Variants in ZNF208 observed in about 807,000 individuals in gnomAD.
ZNF208 encodes the protein zinc finger protein 208, also known as zinc finger protein 95.
A neutral mutation model predicts 12.1 loss-of-function variants in ZNF208; 10 were observed. The observed-to-expected ratio is 0.83, with a 90% CI of 0.51 to 1.40. The LOEUF is 1.40. Among genes scored for constraint, ZNF208 ranks in the 40% most tolerant of loss-of-function variants. The pLI is 0.00. For synonymous variants in ZNF208, 497 were observed against 488.4 expected (o/e 1.02, Z -0.23); for missense variants, 1,652 against 1,485.0 (o/e 1.11, Z -1.85).
rs779720962 is a variant in ZNF208 at position 21,971,885 on chromosome 19, G to C, written c.3149C>G (p.Thr1050Ser). The change falls in exon 4 of 4, where the codon ACT (threonine) becomes AGT (serine). Residue 1050 changes from threonine to serine, a missense_variant. Physicochemically the swap from Thr to Ser is moderately conservative, Grantham distance 58. Transcript: ENST00000397126. ...TTTGTAGGGTTTTTCTCCAGCATGA[G>C]TTGCCTTATGTTCAGTAAGGCTTGA... is the stretch of plus-strand genomic sequence containing the variant. ...WPSSLTEHKA[T>S]HAGEKPYKCE... is the part of the protein sequence containing the mutation. 4 of 1,604,934 alleles carry C rather than the reference G, an allele frequency of 2.5e-6. No homozygotes were observed. The South Asian group carries it at 4.4e-5, about 18-fold the overall frequency.
intron 1 of ZNF208, among the ~76,000 whole-genome samples, chr19:21,997,144 C>A (rs1466868051): frequency 6.6e-6 from 1 of 152,198 alleles, no homozygotes; most frequent in Non-Finnish European, 1.5e-5. Flanking sequence ...TTTTATTACA[C>A]AATTACATGT....
In ZNF208 at chr19:22,002,493, TAA is replaced by T. The variant is rs1015472965; in HGVS notation, c.3+8297_3+8298del. Among the ~76,000 whole-genome samples the T allele has an allele frequency of 3.3e-5, 5 of 151,968 alleles. No individual in the cohort carries two copies. In the East Asian group the frequency reaches 9.7e-4, roughly 29 times the overall value. On this transcript the variant is annotated intron_variant, in intron 1 of 3. Coordinates refer to ENST00000397126, the MANE Select transcript of ZNF208 (RefSeq NM_007153.3). ...TCTTTAAACTGACAAACAACTTCAGTAAAGTCTCAGGATACAAAAGAAATGTA... is the reference window on the plus strand; with the variant it reads ...TCTTTAAACTGACAAACAACTTCAGTAGTCTCAGGATACAAAAGAAATGTA...
Position 21,947,997 on chromosome 19 carries a change from G to A in ZNF208, c.306-14760C>T, listed in dbSNP as rs568961144. 2.5e-3 allele frequency among the ~76,000 whole-genome samples: 375 copies of A among 152,200 alleles called. 1 individual carries two copies. The highest frequency in any genetic ancestry group is 4.2e-3 in the Non-Finnish European group (284 of 68,010). On this transcript the variant is annotated intron_variant, in intron 4 of 4. Coordinates refer to the ZNF208 transcript ENST00000599916. ...GGACCCATGGGTGAAGGTCATGCTCGCATCCATGGGTAACATCTATGATGG... is the reference window on the plus strand; with the variant it reads ...GGACCCATGGGTGAAGGTCATGCTCACATCCATGGGTAACATCTATGATGG...
At chr19:21,986,542 C>CAAA (rs1370062190) in intron 3 of ZNF208, among the ~76,000 whole-genome samples, 4 of 151,840 alleles carry the variant, frequency 2.6e-5, no homozygotes, top group Admixed American at 6.6e-5. Flanking sequence ...CCTATCAATT[C>CAAA]AAAGAATAAA....
At chr19:21,954,283 TGTG>T (rs1969936724) in intron 4 of ZNF208, among the ~76,000 whole-genome samples, 1 of 152,226 alleles carries the variant, frequency 6.6e-6, no homozygotes, top group African/African-American at 2.4e-5. Flanking sequence ...AGAAGTGTGA[TGTG>T]GTGCTGAGAA....
At chr19:21,942,282 T>C (rs553967819) in intron 4 of ZNF208, among the ~76,000 whole-genome samples, 2 of 152,264 alleles carry the variant, frequency 1.3e-5, no homozygotes, top group South Asian at 2.1e-4. Context: ...TACTTAATAG[T>C]AGTATATATA....
At position 21,971,871 on chromosome 19, in the gene ZNF208, T is replaced by C. The variant is rs564851265; in HGVS notation, c.3163A>G (p.Lys1055Glu). 6.2e-7 allele frequency: 1 copy of C among 1,612,812 alleles called. No individual in the cohort carries two copies. The highest frequency in any genetic ancestry group is 1.7e-5 in the Admixed American group (1 of 59,846). The change falls in exon 4 of 4, where the codon AAA (lysine) becomes GAA (glutamate). Residue 1055 changes from lysine to glutamate, a missense_variant. Around this residue, in one of 3 missense-constraint regions of ZNF208, gnomAD observed 1,239 missense variants for 1,086.2 expected, o/e 1.14. Transcript: ENST00000397126. ...TEHKATHAGE[K>E]PYKCEECGKA... ...CCACATTCTTCACATTTGTAGGGTT[T>C]TTCTCCAGCATGAGTTGCCTTATGT...
chr19:22,000,178 C>T (rs1206132820), intron 1 of ZNF208, among the ~76,000 whole-genome samples: 1 of 152,132 alleles, frequency 6.6e-6, no homozygotes, highest in Non-Finnish European at 1.5e-5. Flanking sequence ...AACAATATTA[C>T]GACTTGAACT....
At position 21,966,790 on chromosome 19, in the gene ZNF208, A is replaced by G. The variant is rs1296298723; in HGVS notation, c.*4401T>C. 6.6e-6 allele frequency: 1 copy of G among 152,144 alleles called. No homozygotes were observed. Among genetic ancestry groups the G allele is most frequent in the Non-Finnish European group, 1.5e-5 (1 of 68,000 alleles). The allele number at this position is 152,144 out of a possible 1,614,324, so 9.4% of individuals were successfully genotyped here. ...TTATTTATCTTACTTTTAATAAGTCATTCTTACTGGTATGAAATAGTATCA... is the reference window on the plus strand; with the variant it reads ...TTATTTATCTTACTTTTAATAAGTCGTTCTTACTGGTATGAAATAGTATCA... On this transcript the variant is annotated 3_prime_UTR_variant, in exon 4 of 4. Transcript: ENST00000397126.
At chr19:21,941,300 A>G (rs1969736496) in intron 4 of ZNF208, 2 of 398,908 alleles carry the variant, frequency 5.0e-6, no homozygotes, top group African/African-American at 4.1e-5. Context: ...ACGCAGTGCA[A>G]AACAGTTCAC....
In ZNF208 at chr19:21,972,359, T is replaced by A. The variant is rs750637325; in HGVS notation, c.2675A>T (p.Glu892Val). 6.2e-7 allele frequency: 1 copy of A among 1,612,802 alleles called. No homozygotes were observed. The highest frequency in any genetic ancestry group is 1.1e-5 in the South Asian group (1 of 90,996). The change falls in exon 4 of 4, where the codon GAA becomes GTA. Residue 892 changes from glutamate (E) to valine (V), a missense_variant. Physicochemically the swap from Glu to Val is moderately radical, Grantham distance 121 (BLOSUM62 -2). This residue lies in a region of ZNF208 where 1,239 missense variants were observed against 1,086.2 expected (regional missense o/e 1.14). Transcript: ENST00000397126. ...CATACTAAAACCTTTGCCACATTCT[T>A]CACATTTGTAGGGTTTCTCTCCAGT... Reference protein sequence around the residue: ...IHTGEKPYKCEECGKGFSMFS... With the variant: ...IHTGEKPYKCVECGKGFSMFS...
downstream of ZNF208, among the ~76,000 whole-genome samples, chr19:21,962,684 T>C (rs1970094286): frequency 6.6e-6 from 1 of 152,150 alleles, no homozygotes; most frequent in South Asian, 2.1e-4. Flanking sequence ...AAAAGCAGTT[T>C]TCTAGCATGA....
chr19:21,982,723 A>T lies in ZNF208; in HGVS notation c.226+4493T>A, dbSNP rs574295621. On this transcript the variant is annotated intron_variant, in intron 3 of 3. Transcript: ENST00000397126. ...GAAATAACACCACACATCTACAACC[A>T]TCTGATCTTTGACAAACCTGACAAA... 2.6e-5 allele frequency among the ~76,000 whole-genome samples: 4 copies of T among 152,294 alleles called. No homozygotes were observed. In the South Asian group the frequency reaches 8.3e-4, roughly 32 times the overall value.
chr19:21,961,881 T>C (rs1330799226), downstream of ZNF208, among the ~76,000 whole-genome samples: 2 of 152,170 alleles, frequency 1.3e-5, no homozygotes, highest in Non-Finnish European at 2.9e-5. Context: ...CTGTTGTTTT[T>C]CAAGGTGCAC....
intron 4 of ZNF208, among the ~76,000 whole-genome samples, chr19:21,950,940 CTAAT>C (rs1304334453): frequency 5.3e-5 from 8 of 152,272 alleles, no homozygotes; most frequent in South Asian, 2.1e-4. Flanking sequence ...TAAAAAACCT[CTAAT>C]TAATTGGTGT....
chr19:21,977,196 T>G (rs1970447171), intron 3 of ZNF208, among the ~76,000 whole-genome samples: 1 of 152,146 alleles, frequency 6.6e-6, no homozygotes, highest in Non-Finnish European at 1.5e-5. Context: ...ACTGACAGAA[T>G]AGAAGAAACA....
chr19:21,951,794 G>A (rs1290665390), intron 4 of ZNF208, among the ~76,000 whole-genome samples: 2 of 152,216 alleles, frequency 1.3e-5, no homozygotes, highest in African/African-American at 4.8e-5. Context: ...CACTGGGACT[G>A]GATGGACAGT....
intron 4 of ZNF208, among the ~76,000 whole-genome samples, chr19:21,946,350 G>C (rs368731117): frequency 6.6e-6 from 1 of 152,152 alleles, no homozygotes; most frequent in East Asian, 1.9e-4. Flanking sequence ...CCCAGGCAAA[G>C]CTGAGTCACA....
chr19:21,943,105 C>T (rs1290738586), intron 4 of ZNF208, among the ~76,000 whole-genome samples: 1 of 152,180 alleles, frequency 6.6e-6, no homozygotes, highest in Non-Finnish European at 1.5e-5. Flanking sequence ...AACTGGAAGG[C>T]ACTTTTATAA....
Sources: allele counts gnomAD v4.1 joint callset (sites outside exome capture counted in the v4.1 genomes callset), GRCh38; gene constraint gnomAD v4.1.1; regional missense constraint gnomAD v4.1.1; transcripts MANE v1.5; gene names NCBI Gene and HGNC (gene_info 2026-07-23, HGNC 2026-07-21).